The following MIB2 variants were observed in gnomAD, a reference collection of about 807,000 sequenced individuals.
MIB2 encodes MIB E3 ubiquitin protein ligase 2.
Under a neutral mutation model 96.6 loss-of-function variants are expected in MIB2, and 78 were observed. That is an observed-to-expected ratio of 0.81 (90% CI 0.67 to 0.97). The LOEUF is 0.97. Among genes scored for constraint, MIB2 ranks in the 50% least tolerant of loss-of-function variants. MIB2 has a pLI of 0.00. For missense variants in MIB2, 1,543 were observed against 1,424.0 expected (o/e 1.08, Z -1.35); for synonymous variants, 820 against 629.5 (o/e 1.30, Z -4.53).
chr1:1,629,781 C>G lies in MIB2; in HGVS notation c.2629+77C>G, dbSNP rs535619280. 846 of 1,411,660 alleles carry G rather than the reference C, an allele frequency of 6.0e-4. 1 individual carries two copies. The highest frequency in any genetic ancestry group is 7.5e-4 in the Non-Finnish European group (790 of 1,057,364). 87.4% of individuals were successfully genotyped at this position (1,411,660 alleles called of 1,614,324 possible). A position where few individuals can be genotyped will look rare whatever the true frequency, so the allele number is the denominator to read the frequency against. On this transcript the variant is annotated intron_variant, in intron 19 of 19. Transcript: ENST00000355826. ...CGGGTCCCCGTCCCCCACCCCTTCC[C>G]TCCCACACTTCCGCCCATGGCCCTT...
rs750869676 is a variant in MIB2, at chr1:1,625,369, A to G, written c.805A>G (p.Thr269Ala). Residue 269 changes from threonine (T) to alanine (A), a missense_variant, in exon 7 of 20, where the codon ACT (threonine) becomes GCT (alanine). Transcript: ENST00000355826. This position sits in a 1 kb window ranked among gnomAD's most constrained non-coding sequence, Gnocchi z 5.0. The part of the protein sequence containing the change: ...HGDKVKCLLD[T>A]DVLREMQEGH... ...GGACAAGGTCAAGTGTCTGCTGGAC[A>G]CTGATGTCCTGCGGGAGATGCAGGA... is the stretch of plus-strand genomic sequence containing the variant. The G allele has an allele frequency of 2.1e-5, 34 of 1,589,584 alleles. 1 individual carries two copies. Among genetic ancestry groups the G allele is most frequent in the African/African-American group, 1.3e-5 (1 of 74,424 alleles).
At position 1,628,176 on chromosome 1, in the gene MIB2, C is replaced by T. The variant is rs758490620; in HGVS notation, c.1838C>T (p.Ala613Val). Residue 613 changes from alanine (A) to valine (V), a missense_variant, in exon 14 of 20, where the codon GCG becomes GTG. Physicochemically the swap from Ala to Val is moderately conservative, Grantham distance 64. Transcript: ENST00000355826. ...CACCATGCCTCCCTCAAGGGTCACGCGCTGTGAGTGTGGGGTGGGCACACA... is the reference window on the plus strand; with the variant it reads ...CACCATGCCTCCCTCAAGGGTCACGTGCTGTGAGTGTGGGGTGGGCACACA... ...LLHHASLKGH[A>V]LAVRKILARA... 43 of 1,613,088 alleles carry T rather than the reference C, an allele frequency of 2.7e-5. No individual in the cohort carries two copies. Among genetic ancestry groups the T allele is most frequent in the Middle Eastern group, 1.6e-4 (1 of 6,084 alleles).
chr1:1,620,008 G>A (rs959056017), intron 2 of MIB2, among the ~76,000 whole-genome samples: 42 of 152,232 alleles, frequency 2.8e-4, no homozygotes, highest in Non-Finnish European at 5.7e-4. Flanking sequence ...CCCCTGTGAC[G>A]CGGGGGCCGC....
chr1:1,625,540 C>T lies in MIB2; in HGVS notation c.865-6C>T. ...GACCCAGCCACAGCTCCATGACCCG[C>T]CACAGTTTATCGGACAGACGGGCAC... On this transcript the variant is annotated splice_polypyrimidine_tract_variant and splice_region_variant and intron_variant, in intron 7 of 19. Coordinates refer to ENST00000355826, the MANE Select transcript of MIB2 (RefSeq NM_001170687.4). This position sits in a 1 kb window ranked among gnomAD's most constrained non-coding sequence, Gnocchi z 5.0. 1 of 1,572,034 alleles carries T rather than the reference C, an allele frequency of 6.4e-7. No individual in the cohort carries two copies. The highest frequency in any genetic ancestry group is 1.8e-5 in the Admixed American group (1 of 54,180).
chr1:1,621,326 GCGGAGGCC>G (rs1246119227), intron 2 of MIB2, among the ~76,000 whole-genome samples: 2 of 152,244 alleles, frequency 1.3e-5, no homozygotes, highest in Non-Finnish European at 2.9e-5. Flanking sequence ...AGCCGCTCAT[GCGGAGGCC>G]CAGCCGGGAG....
At chr1:1,623,731 A>T (rs1197823176) in intron 3 of MIB2, 32 bp downstream of exon 3, 2 of 1,534,742 alleles carry the variant, frequency 1.3e-6, no homozygotes, top group African/African-American at 2.7e-5. Flanking sequence ...GACGGGCAGG[A>T]CCCGGGGGCG....
intron 3 of MIB2, 24 bp downstream of exon 3, chr1:1,623,723 C>G: frequency 6.5e-7 from 1 of 1,542,342 alleles, no homozygotes; most frequent in Admixed American, 1.9e-5. Context: ...GCAGGCGGGA[C>G]GGGCAGGACC....
In MIB2 at chr1:1,626,283, T is replaced by C. The variant is rs1644752108; in HGVS notation, c.973-367T>C. Reference sequence around the variant, plus strand: ...GCTCAGGTGGGGCAGAGTGGGCCCGTCCTGCACCCCATGGTCCTGGGGCCC... The same window carrying C: ...GCTCAGGTGGGGCAGAGTGGGCCCGCCCTGCACCCCATGGTCCTGGGGCCC... On this transcript the variant is annotated intron_variant, in intron 8 of 19. Coordinates refer to ENST00000355826, the MANE Select transcript of MIB2 (RefSeq NM_001170687.4). This position sits in a 1 kb window ranked among gnomAD's most constrained non-coding sequence, Gnocchi z 5.3. 3.1e-6 allele frequency: 1 copy of C among 324,632 alleles called. No individual in the cohort carries two copies. The allele number at this position is 324,632 out of a possible 1,614,324, so 20.1% of individuals were successfully genotyped here.
At chr1:1,622,893 C>G (rs1384051404) in intron 2 of MIB2, among the ~76,000 whole-genome samples, 14 of 152,200 alleles carry the variant, frequency 9.2e-5, no homozygotes, top group Non-Finnish European at 1.0e-4. Flanking sequence ...TGTACGGCGC[C>G]TGCATCGTGT....
chr1:1,627,658 T>G lies in MIB2; in HGVS notation c.1524-15T>G, dbSNP rs772189279. On this transcript the variant is annotated splice_polypyrimidine_tract_variant and intron_variant, in intron 12 of 19. Coordinates refer to ENST00000355826, the MANE Select transcript of MIB2 (RefSeq NM_001170687.4). ...GGGCCCGGCGCCCTCCCTCTCCCAC[T>G]TCCTCTCCTGTCAGGAACCAGCCCG... The G allele has an allele frequency of 6.3e-6, 10 of 1,588,836 alleles. No homozygotes were observed. In the Admixed American group the frequency reaches 1.7e-4, roughly 27 times the overall value.
rs1644626719 is a variant in MIB2 at position 1,625,208 on chromosome 1, C to T, written c.721+23C>T. 1.9e-6 allele frequency: 3 copies of T among 1,603,244 alleles called. No homozygotes were observed. The highest frequency in any genetic ancestry group is 1.7e-5 in the Admixed American group (1 of 59,750). ...TCGGTATGAGGCTGTCACACTGACT[C>T]CATCAGCCCTCCTGCCTTGGCTGAA... is the stretch of plus-strand genomic sequence containing the variant. On this transcript the variant is annotated intron_variant, in intron 6 of 19. Coordinates refer to ENST00000355826, the MANE Select transcript of MIB2 (RefSeq NM_001170687.4). This position sits in a 1 kb window ranked among gnomAD's most constrained non-coding sequence, Gnocchi z 5.0.
intron 2 of MIB2, 138 bp downstream of exon 2, chr1:1,616,752 G>A (rs1045759841): frequency 1.7e-5 from 11 of 663,976 alleles, no homozygotes; most frequent in Middle Eastern, 2.4e-4. Context: ...GTAATCCCGC[G>A]TCTCCTCTCT....
rs576021275 is a variant in MIB2 at position 1,616,950 on chromosome 1, T to C, written c.-23+336T>C. 2.6e-5 allele frequency: 7 copies of C among 268,932 alleles called. No homozygotes were observed. In the East Asian group the frequency reaches 8.0e-4, roughly 31 times the overall value. The allele number at this position is 268,932 out of a possible 1,614,324, so 16.7% of individuals were successfully genotyped here. A position where few individuals can be genotyped will look rare whatever the true frequency, so the allele number is the denominator to read the frequency against. On this transcript the variant is annotated intron_variant, in intron 2 of 19. Coordinates refer to ENST00000355826, the MANE Select transcript of MIB2 (RefSeq NM_001170687.4). The stretch of plus-strand genomic sequence containing the variant: ...TGCAACAAGTGTCTGAATGTGGCGC[T>C]CTCCTGGCCGAGGGCAGCCCTGGGC...
rs1257332724 is a variant in MIB2, at chr1:1,628,283, A to G, written c.1852A>G (p.Lys618Glu). The G allele has an allele frequency of 1.2e-6, 2 of 1,613,058 alleles. No individual in the cohort carries two copies. Residue 618 changes from lysine (K) to glutamate (E), a missense_variant, in exon 15 of 20, where the codon AAG becomes GAG. Transcript: ENST00000355826. Reference sequence around the variant, plus strand: ...CTCCCTGCTCCACAGAGCTGTGAGAAAGATTCTGGCTCGGGCGCGGCAGCT... The same window carrying G: ...CTCCCTGCTCCACAGAGCTGTGAGAGAGATTCTGGCTCGGGCGCGGCAGCT... ...SLKGHALAVR[K>E]ILARARQLVD...
intron 2 of MIB2, chr1:1,618,244 AG>A (rs1283338135): frequency 6.6e-6 from 1 of 152,284 alleles, no homozygotes; most frequent in African/African-American, 2.4e-5. Context: ...GCAGGTGATC[AG>A]GGTGATCAGG....
chr1:1,623,324 C>T, intron 2 of MIB2, 107 bp from the exon 3 acceptor site: 1 of 1,485,612 alleles, frequency 6.7e-7, no homozygotes, highest in Non-Finnish European at 9.0e-7. Context: ...CCTCTCTGCT[C>T]TCCCGCGGAG....
intron 1 of MIB2, 79 bp downstream of exon 1, chr1:1,615,712 G>C (rs562644000): frequency 7.3e-6 from 11 of 1,499,876 alleles, no homozygotes; most frequent in Non-Finnish European, 8.9e-6. Context: ...GAACGCGAGC[G>C]CCGTCCGGTT....
chr1:1,623,373 T>C, intron 2 of MIB2, 58 bp from the exon 3 acceptor site: 1 of 1,588,686 alleles, frequency 6.3e-7, no homozygotes, highest in Non-Finnish European at 8.5e-7. Flanking sequence ...GGCCTGAGAA[T>C]ACCCTCTGCC....
In MIB2 at chr1:1,628,340, G is replaced by T. The variant is rs1338240841; in HGVS notation, c.1909G>T (p.Ala637Ser). 3 of 1,612,896 alleles carry T rather than the reference G, an allele frequency of 1.9e-6. No homozygotes were observed. Among genetic ancestry groups the T allele is most frequent in the Non-Finnish European group, 2.5e-6 (3 of 1,179,940 alleles). Residue 637 changes from alanine to serine, a missense_variant, in exon 15 of 20, where the codon GCG becomes TCG. Physicochemically the swap from Ala to Ser is moderately conservative, Grantham distance 99. Transcript: ENST00000355826. ...CGCCAAGAAGGAGGACGGCTTCACG[G>T]CGCTGCATCTGGCTGCCCTCAACAA... ...VDAKKEDGFTALHLAALNNHR... is the reference protein window; with the variant it reads ...VDAKKEDGFTSLHLAALNNHR...
Sources: gnomAD v4.1 joint callset for allele counts (sites outside exome capture counted in the v4.1 genomes callset) on GRCh38, gnomAD v4.1.1 for gene constraint, Gnocchi (gnomAD v3.1) non-coding constraint, MANE v1.5 for transcripts, NCBI Gene and HGNC (gene_info 2026-07-23, HGNC 2026-07-21) for gene names.